The following LIMS1 variants were observed in gnomAD, a reference collection of about 807,000 sequenced individuals.
LIMS1 encodes LIM zinc finger domain containing 1, also known as LIM and senescent cell antigen-like-containing domain protein 1.
In LIMS1, 18 loss-of-function variants were observed where a neutral mutation model predicts 44.1. The ratio of observed to expected loss-of-function variants is 0.41; its 90% CI spans 0.28 to 0.61. LIMS1 has a LOEUF of 0.61. LIMS1 is among the 20% of genes least tolerant of loss of function. The pLI, the probability that LIMS1 is intolerant of heterozygous loss-of-function variation, is 0.32. For synonymous variants in LIMS1, 93 were observed against 149.1 expected (o/e 0.62, Z 2.74); for missense variants, 201 against 422.0 (o/e 0.48, Z 4.59).
chr2:108,674,739 G>A (rs1189919583), intron 5 of LIMS1, among the ~76,000 whole-genome samples: 61 of 139,392 alleles, frequency 4.4e-4, no homozygotes, highest in South Asian at 1.7e-3. Context: ...AAAAAAAAAA[G>A]AGAAAGAAAG....
At chr2:108,535,984 A>G (rs1214743192) in intron 1 of LIMS1, among the ~76,000 whole-genome samples, 1 of 152,070 alleles carries the variant, frequency 6.6e-6, no homozygotes, top group African/African-American at 2.4e-5. Context: ...TGATAACAAT[A>G]ATTTGTACTC....
In LIMS1 at chr2:108,611,854, T is replaced by TATATATATATATAC. The variant is rs771325535; in HGVS notation, c.33-47750_33-47749insTATATATATATACA. 1.5e-3 allele frequency among the ~76,000 whole-genome samples: 189 copies of TATATATATATATAC among 125,242 alleles called. 3 individuals carry two copies. The highest frequency in any genetic ancestry group is 0.013 in the East Asian group (57 of 4,310). 82.2% of individuals were successfully genotyped at this position (125,242 alleles called of 152,430 possible). On this transcript the variant is annotated intron_variant, in intron 1 of 9. Coordinates refer to ENST00000544547, the Ensembl canonical transcript of LIMS1. ...GATCTAAAATATATATATATATATA[T>TATATATATATATAC]ACACACATATATATACACATATATA...
intron 1 of LIMS1, among the ~76,000 whole-genome samples, chr2:108,583,696 GTTTC>G (rs1558796773): frequency 1.1e-5 from 1 of 90,740 alleles, no homozygotes; most frequent in East Asian, 1.3e-3. Context: ...TGTTGTTGCT[GTTTC>G]TTTTTTTTTT....
At chr2:108,542,795 A>G (rs986488512) in intron 1 of LIMS1, among the ~76,000 whole-genome samples, 1 of 152,180 alleles carries the variant, frequency 6.6e-6, no homozygotes, top group African/African-American at 2.4e-5. Context: ...TGTCTTGAAG[A>G]TGACTTCCTT....
chr2:108,633,302 A>T (rs1017511737), intron 1 of LIMS1, among the ~76,000 whole-genome samples: 2 of 152,232 alleles, frequency 1.3e-5, no homozygotes, highest in East Asian at 1.9e-4. Context: ...TGTCTGTAAT[A>T]GGTTAGAATA....
At chr2:108,550,333 T>C (rs1311578473) in intron 1 of LIMS1, among the ~76,000 whole-genome samples, 1 of 128,764 alleles carries the variant, frequency 7.8e-6, no homozygotes, top group Non-Finnish European at 1.7e-5. Flanking sequence ...ATCTCTACTA[T>C]AAATACAAAA....
chr2:108,583,205 G>A (rs1242053187), intron 1 of LIMS1, among the ~76,000 whole-genome samples: 1 of 100,172 alleles, frequency 1.0e-5, no homozygotes, highest in Middle Eastern at 3.8e-3. Flanking sequence ...GCTAATGTTT[G>A]TATTTTTTTT....
chr2:108,589,341 A>C (rs1208073823), intron 1 of LIMS1, among the ~76,000 whole-genome samples: 1 of 152,216 alleles, frequency 6.6e-6, no homozygotes, highest in East Asian at 1.9e-4. Flanking sequence ...TTTCGTGGTA[A>C]CAACACTTAA....
chr2:108,635,791 C>A lies in LIMS1; in HGVS notation c.33-23814C>A, dbSNP rs575740094. The stretch of plus-strand genomic sequence containing the variant: ...TTACGTGATAACACACTCCTCCCCC[C>A]CGTCTGTTCCTAGTTTTGAATGTAA... On this transcript the variant is annotated intron_variant, in intron 1 of 9. Coordinates refer to ENST00000544547, the Ensembl canonical transcript of LIMS1. Among the ~76,000 whole-genome samples the A allele has an allele frequency of 1.9e-4, 29 of 152,332 alleles. No individual in the cohort carries two copies. The East Asian group carries it at 4.8e-3, about 25-fold the overall frequency.
chr2:108,665,029 G>T (rs987705590), intron 2 of LIMS1, among the ~76,000 whole-genome samples: 1 of 152,162 alleles, frequency 6.6e-6, no homozygotes, highest in Non-Finnish European at 1.5e-5. Flanking sequence ...TAGTTAGGGA[G>T]TGCTGAAACC....
intron 1 of LIMS1, among the ~76,000 whole-genome samples, chr2:108,555,272 G>A (rs974804960): frequency 2.0e-5 from 3 of 152,118 alleles, no homozygotes; most frequent in African/African-American, 7.2e-5. Context: ...GCATAGCTGT[G>A]ACCGTATTTC....
chr2:108,633,043 G>A (rs826691), intron 1 of LIMS1, among the ~76,000 whole-genome samples: 57,017 of 151,932 alleles, frequency 0.38, 11,305 homozygotes, highest in Middle Eastern at 0.52. Context: ...GGAAGCATCC[G>A]TGTATCCCCT....
intron 1 of LIMS1, among the ~76,000 whole-genome samples, chr2:108,617,772 T>C (rs1688006813): frequency 6.6e-6 from 1 of 152,200 alleles, no homozygotes; most frequent in Non-Finnish European, 1.5e-5. Context: ...CCAAGCCATA[T>C]GTGCAAAGGC....
At chr2:108,618,040 G>C (rs1416942369) in intron 1 of LIMS1, among the ~76,000 whole-genome samples, 1 of 152,194 alleles carries the variant, frequency 6.6e-6, no homozygotes, top group East Asian at 1.9e-4. Flanking sequence ...TTATGAGGTA[G>C]TAATTTCCCC....
At chr2:108,621,286 T>C (rs1322109694) in intron 1 of LIMS1, 18 of 1,539,398 alleles carry the variant, frequency 1.2e-5, no homozygotes, top group Non-Finnish European at 2.6e-6. Context: ...GGACGCTGCT[T>C]TCCCCTGGCA....
At chr2:108,625,933 C>A (rs1688546834) in intron 1 of LIMS1, among the ~76,000 whole-genome samples, 1 of 152,164 alleles carries the variant, frequency 6.6e-6, no homozygotes. Flanking sequence ...TAGTACATAA[C>A]CATTAATTGA....
intron 1 of LIMS1, among the ~76,000 whole-genome samples, chr2:108,644,176 C>T (rs1689907853): frequency 6.6e-6 from 1 of 152,170 alleles, no homozygotes; most frequent in South Asian, 2.1e-4. Flanking sequence ...CAGCCTGCCT[C>T]CTCAAGTGGG....
At chr2:108,536,284 A>G (rs998370551) in intron 1 of LIMS1, among the ~76,000 whole-genome samples, 7 of 152,342 alleles carry the variant, frequency 4.6e-5, no homozygotes, top group Admixed American at 3.9e-4. Flanking sequence ...TTATCTTACA[A>G]AACTGAAACT....
At chr2:108,533,982 A>G (rs6723177), upstream of LIMS1, 5,109 of 152,996 alleles carry the variant, frequency 0.033, 177 homozygotes, top group South Asian at 0.14. Flanking sequence ...AACCCTGTGT[A>G]GCTCCCACCC....
Sources: gnomAD v4.1 joint callset for allele counts (sites outside exome capture counted in the v4.1 genomes callset) on GRCh38, gnomAD v4.1.1 for gene constraint, MANE v1.5 for transcripts, NCBI Gene and HGNC (gene_info 2026-07-23, HGNC 2026-07-21) for gene names.